The following NTN1 variants were observed in gnomAD, a reference collection of about 807,000 sequenced individuals.
NTN1 encodes the protein netrin 1, also known as netrin-1.
NTN1 carries 11 observed loss-of-function variants against 54.2 expected under a neutral mutation model. The observed-to-expected ratio is 0.20, with a 90% confidence interval of 0.13 to 0.34. The LOEUF (loss-of-function observed/expected upper bound fraction) is 0.34, where lower values mean the gene tolerates loss of function less well. Ranked by LOEUF, NTN1 falls within the 10% of genes least tolerant of loss-of-function variation. NTN1 has a pLI of 1.00. For missense variants in NTN1, 740 were observed against 893.1 expected (o/e 0.83, Z 2.18); for synonymous variants, 371 against 382.0 (o/e 0.97, Z 0.33).
At chr17:9,203,178 C>T (rs926281670) in intron 5 of NTN1, among the ~76,000 whole-genome samples, 1 of 152,150 alleles carries the variant, frequency 6.6e-6, no homozygotes, top group Non-Finnish European at 1.5e-5. Flanking sequence ...GCCTTGGCCT[C>T]CCAAAGTGCT....
At position 9,226,438 on chromosome 17, in the gene NTN1, G is replaced by GGTCTCGTGGGGAGGCT. The variant is rs1567744941; in HGVS notation, c.1486+5228_1486+5243dup. On this transcript the variant is annotated intron_variant, in intron 6 of 6. Transcript: ENST00000173229. ...TGGGGAGGCGGTCTCGTGGGGAGGC[G>GGTCTCGTGGGGAGGCT]GTCTCGTGGGGAGGCTGTCTCGTGG... Among the ~76,000 whole-genome samples the GGTCTCGTGGGGAGGCT allele has an allele frequency of 1.7e-3, 152 of 88,910 alleles. 2 individuals are homozygous for GGTCTCGTGGGGAGGCT. Among genetic ancestry groups the GGTCTCGTGGGGAGGCT allele is most frequent in the Non-Finnish European group, 2.4e-3 (118 of 49,084 alleles). The allele number at this position is 88,910 out of a possible 152,430, so 58.3% of individuals were successfully genotyped here. A position where few individuals can be genotyped will look rare whatever the true frequency, so the allele number is the denominator to read the frequency against.
At chr17:9,004,517 T>C in the NTN1 span, among the ~76,000 whole-genome samples, 48 of 152,322 alleles carry the variant, frequency 3.2e-4, no homozygotes, top group Middle Eastern at 6.8e-3. Flanking sequence ...CGCTAAGTGT[T>C]GGGCACGTAC....
intron 2 of NTN1, among the ~76,000 whole-genome samples, chr17:9,133,611 C>T (rs2092272239): frequency 1.4e-5 from 2 of 140,566 alleles, no homozygotes; most frequent in Non-Finnish European, 3.0e-5. Context: ...TTTTTTGAGA[C>T]AGAGTCTTGC....
rs111414847 is a variant in NTN1, at chr17:9,166,792, C to T, written c.1207+3791C>T. On this transcript the variant is annotated intron_variant, in intron 3 of 6. Coordinates refer to ENST00000173229, the MANE Select transcript of NTN1 (RefSeq NM_004822.3). ...CTTGACTCCCAAATTGGCTTGGGAACGGCCTCTGGGGCCTCTTTACCCCAG... is the reference window on the plus strand; with the variant it reads ...CTTGACTCCCAAATTGGCTTGGGAATGGCCTCTGGGGCCTCTTTACCCCAG... Among the ~76,000 whole-genome samples the T allele has an allele frequency of 5.6e-3, 857 of 152,262 alleles. 6 individuals are homozygous for T. Among genetic ancestry groups the T allele is most frequent in the African/African-American group, 0.017 (707 of 41,554 alleles).
intron 2 of NTN1, among the ~76,000 whole-genome samples, chr17:9,037,940 G>T (rs1016342249): frequency 1.3e-5 from 2 of 152,108 alleles, no homozygotes; most frequent in African/African-American, 4.8e-5. Context: ...AGCCCTGTGT[G>T]GTCTGGCCCC....
intron 5 of NTN1, among the ~76,000 whole-genome samples, chr17:9,215,520 GA>G (rs145200379): frequency 0.037 from 5,613 of 152,220 alleles, 354 homozygotes; most frequent in African/African-American, 0.13. Flanking sequence ...TAGTTGGTTG[GA>G]AAACATTCTC....
At chr17:9,011,736 C>T in the NTN1 span, among the ~76,000 whole-genome samples, 4,067 of 152,162 alleles carry the variant, frequency 0.027, 149 homozygotes, top group African/African-American at 0.081. Flanking sequence ...AATACAGGTG[C>T]GCACCACCAT....
chr17:9,015,437 A>T, the NTN1 span, among the ~76,000 whole-genome samples: 20 of 152,224 alleles, frequency 1.3e-4, no homozygotes, highest in Non-Finnish European at 2.4e-4. Flanking sequence ...AAATACAATT[A>T]AAAAATTAAA....
intron 2 of NTN1, among the ~76,000 whole-genome samples, chr17:9,057,775 T>C (rs992808698): frequency 6.6e-6 from 1 of 152,240 alleles, no homozygotes; most frequent in African/African-American, 2.4e-5. Context: ...GTGCAACACT[T>C]TTAATTTCAT....
At chr17:9,117,771 C>CAAAAAAA (rs11414930) in intron 2 of NTN1, among the ~76,000 whole-genome samples, 10 of 126,782 alleles carry the variant, frequency 7.9e-5, no homozygotes, top group Non-Finnish European at 1.5e-4. Context: ...ACAAAAAAAC[C>CAAAAAAA]AAAAAAAAAA....
intron 2 of NTN1, among the ~76,000 whole-genome samples, chr17:9,064,739 G>T (rs913216083): frequency 9.2e-5 from 14 of 152,040 alleles, no homozygotes; most frequent in Non-Finnish European, 1.9e-4. Context: ...TAGCTCCTCA[G>T]TTTGATCCAT....
chr17:9,210,451 CACACACA>C (rs1905074442), intron 5 of NTN1, among the ~76,000 whole-genome samples: 4 of 106,188 alleles, frequency 3.8e-5, no homozygotes, highest in Admixed American at 1.0e-4. Context: ...CACCCACACA[CACACACA>C]CACACACACT....
At chr17:9,220,972 G>C (rs981776807) in intron 5 of NTN1, among the ~76,000 whole-genome samples, 196 bp from the exon 6 acceptor site, 1 of 148,282 alleles carries the variant, frequency 6.7e-6, no homozygotes, top group Non-Finnish European at 1.5e-5. Context: ...TGGGTGGGTC[G>C]GACGGGGGCC....
intron 2 of NTN1, among the ~76,000 whole-genome samples, chr17:9,027,782 T>C (rs1158084032): frequency 1.3e-5 from 2 of 152,140 alleles, no homozygotes; most frequent in African/African-American, 4.8e-5. Flanking sequence ...TAAGGGGGTT[T>C]AGATACTTTC....
At chr17:9,193,939 A>AAAAAC (rs1555575012) in intron 5 of NTN1, among the ~76,000 whole-genome samples, 18 of 81,826 alleles carry the variant, frequency 2.2e-4, no homozygotes, top group African/African-American at 6.7e-4. Context: ...AAAAAAAAAA[A>AAAAAC]AAAAACATTA....
chr17:9,172,282 G>A (rs2092389099), intron 3 of NTN1, among the ~76,000 whole-genome samples: 1 of 152,008 alleles, frequency 6.6e-6, no homozygotes, highest in Non-Finnish European at 1.5e-5. Flanking sequence ...CAGATCACGA[G>A]GTCAGGAGAT....
chr17:9,144,486 A>G (rs1016206373), intron 2 of NTN1, among the ~76,000 whole-genome samples: 60 of 152,206 alleles, frequency 3.9e-4, no homozygotes, highest in African/African-American at 1.3e-3. Context: ...GAACTCCTGC[A>G]TCGGCTCTTG....
At chr17:9,070,043 G>A (rs1388305220) in intron 2 of NTN1, among the ~76,000 whole-genome samples, 3 of 152,106 alleles carry the variant, frequency 2.0e-5, no homozygotes, top group Admixed American at 6.5e-5. Flanking sequence ...GCACATACCC[G>A]CCTTCTTCTT....
At chr17:9,093,285 T>C (rs549719909) in intron 2 of NTN1, among the ~76,000 whole-genome samples, 328 of 152,372 alleles carry the variant, frequency 2.2e-3, no homozygotes, top group Admixed American at 5.7e-3. Context: ...GCTATGAACA[T>C]AGGTATTACC....
Sources: allele counts gnomAD v4.1 joint callset (sites outside exome capture counted in the v4.1 genomes callset), GRCh38; gene constraint gnomAD v4.1.1; transcripts MANE v1.5; gene names NCBI Gene and HGNC (gene_info 2026-07-23, HGNC 2026-07-21).